The following TMEM217B variants were observed in gnomAD, a reference collection of about 807,000 sequenced individuals.
TMEM217B encodes putative transmembrane protein 217B.
chr6:37,218,597 A>G, the TMEM217B span: 1 of 1,614,214 alleles, frequency 6.2e-7, no homozygotes, highest in Non-Finnish European at 8.5e-7. Context: ...GTTGATGACA[A>G]AGAACATCCA....
At chr6:37,242,395 C>T in the TMEM217B span, among the ~76,000 whole-genome samples, 31 of 152,250 alleles carry the variant, frequency 2.0e-4, no homozygotes, top group Non-Finnish European at 4.0e-4. Flanking sequence ...CAAATCAGCA[C>T]TCCCTACTCA....
chr6:37,213,000 C>T, the TMEM217B span: 94 of 1,530,964 alleles, frequency 6.1e-5, no homozygotes, highest in African/African-American at 1.1e-3. Context: ...GCACCTCCTG[C>T]AGGAAGAAAA....
the TMEM217B span, among the ~76,000 whole-genome samples, chr6:37,226,941 T>A: frequency 8.3e-3 from 1,270 of 152,362 alleles, 8 homozygotes; most frequent in Non-Finnish European, 0.013. Context: ...TTATATATTG[T>A]CTTAAATTGT....
the TMEM217B span, among the ~76,000 whole-genome samples, chr6:37,230,683 C>G: frequency 2.0e-5 from 3 of 152,182 alleles, no homozygotes; most frequent in East Asian, 5.8e-4. Context: ...AATTCAAGAA[C>G]TGTGAGAAAA....
At chr6:37,254,874 G>A in the TMEM217B span, among the ~76,000 whole-genome samples, 4,852 of 152,090 alleles carry the variant, frequency 0.032, 245 homozygotes, top group African/African-American at 0.11. Flanking sequence ...TGGGGGAGGG[G>A]GGTTAAAGGA....
chr6:37,245,206 G>A, the TMEM217B span, among the ~76,000 whole-genome samples: 1 of 152,246 alleles, frequency 6.6e-6, no homozygotes, highest in Non-Finnish European at 1.5e-5. Flanking sequence ...TATGTTCAGA[G>A]GTTTTTCCTT....
the TMEM217B span, among the ~76,000 whole-genome samples, chr6:37,256,031 T>C: frequency 6.6e-6 from 1 of 152,022 alleles, no homozygotes; most frequent in African/African-American, 2.4e-5. Context: ...GAAAAAGGAG[T>C]ATTTTGAGAT....
the TMEM217B span, among the ~76,000 whole-genome samples, chr6:37,231,259 G>A: frequency 1.4e-4 from 20 of 141,978 alleles, no homozygotes; most frequent in African/African-American, 4.5e-4. Flanking sequence ...TTGTAGAAAC[G>A]GGCTTTCACC....
chr6:37,243,165 G>A, the TMEM217B span, among the ~76,000 whole-genome samples: 5 of 152,126 alleles, frequency 3.3e-5, no homozygotes, highest in African/African-American at 9.7e-5. Flanking sequence ...AGTCCACCAC[G>A]GAGATGTTGT....
At chr6:37,229,340 T>TTTTTTTG in the TMEM217B span, among the ~76,000 whole-genome samples, 26 of 123,104 alleles carry the variant, frequency 2.1e-4, no homozygotes, top group African/African-American at 8.1e-4. Context: ...TTTCAGTTTT[T>TTTTTTTG]TTTTTTTTTT....
the TMEM217B span, among the ~76,000 whole-genome samples, chr6:37,235,625 C>T: frequency 6.6e-6 from 1 of 151,756 alleles, no homozygotes; most frequent in African/African-American, 2.4e-5. Context: ...CTTGGCCTCC[C>T]AAAGTGCTGG....
At chr6:37,253,455 C>T in the TMEM217B span, among the ~76,000 whole-genome samples, 1 of 152,138 alleles carries the variant, frequency 6.6e-6, no homozygotes, top group African/African-American at 2.4e-5. Flanking sequence ...TTCCTATAAC[C>T]TCTTACTTTT....
the TMEM217B span, chr6:37,212,654 G>C: frequency 1.8e-6 from 1 of 562,348 alleles, no homozygotes; most frequent in Non-Finnish European, 3.4e-6. Flanking sequence ...CCGTTGAGGA[G>C]CAGGACTATG....
chr6:37,237,427 T>C, the TMEM217B span, among the ~76,000 whole-genome samples: 1 of 152,212 alleles, frequency 6.6e-6, no homozygotes, highest in East Asian at 1.9e-4. Flanking sequence ...GGTAGCCCAC[T>C]GTAAATATCT....
chr6:37,235,221 A>G, the TMEM217B span, among the ~76,000 whole-genome samples: 1 of 152,192 alleles, frequency 6.6e-6, no homozygotes, highest in African/African-American at 2.4e-5. Context: ...ATACTACACA[A>G]TTGGAAGTGA....
At chr6:37,235,133 T>C in the TMEM217B span, among the ~76,000 whole-genome samples, 4 of 152,104 alleles carry the variant, frequency 2.6e-5, no homozygotes, top group African/African-American at 9.7e-5. Context: ...GCTAAAAACA[T>C]TATCATGAGA....
At chr6:37,212,651 G>A in the TMEM217B span, 2 of 558,306 alleles carry the variant, frequency 3.6e-6, no homozygotes, top group Admixed American at 4.4e-5. Flanking sequence ...ATCCCGTTGA[G>A]GAGCAGGACT....
the TMEM217B span, among the ~76,000 whole-genome samples, chr6:37,237,468 CA>C: frequency 1.3e-5 from 2 of 152,150 alleles, no homozygotes; most frequent in East Asian, 3.9e-4. Context: ...AAGTCGTTTG[CA>C]AGAAATTATT....
chr6:37,241,475 C>T, the TMEM217B span, among the ~76,000 whole-genome samples: 1 of 152,128 alleles, frequency 6.6e-6, no homozygotes, highest in Admixed American at 6.6e-5. Flanking sequence ...CTTCCCTCCT[C>T]CAACCTCAGT....
Sources: gnomAD v4.1 joint callset for allele counts (sites outside exome capture counted in the v4.1 genomes callset) on GRCh38, gnomAD v4.1.1 for gene constraint, MANE v1.5 for transcripts, NCBI Gene and HGNC (gene_info 2026-07-23, HGNC 2026-07-21) for gene names.